The following GPC5 variants were observed in gnomAD, a reference collection of about 807,000 sequenced individuals.
GPC5 encodes glypican 5, also known as glypican-5.
Under a neutral mutation model 53.9 loss-of-function variants are expected in GPC5, and 47 were observed. The ratio of observed to expected loss-of-function variants is 0.87; its 90% CI spans 0.69 to 1.11. The LOEUF (loss-of-function observed/expected upper bound fraction) is 1.11, where lower values mean the gene tolerates loss of function less well. Ranked by LOEUF, GPC5 falls within the 50% of genes most tolerant of loss-of-function variation. The pLI is 0.00. For synonymous variants in GPC5, 286 were observed against 263.3 expected (o/e 1.09, Z -0.84); for missense variants, 748 against 713.1 (o/e 1.05, Z -0.56).
chr13:92,252,316 A>G (rs765748266), intron 7 of GPC5, among the ~76,000 whole-genome samples: 8 of 152,142 alleles, frequency 5.3e-5, no homozygotes, highest in Non-Finnish European at 1.0e-4. Context: ...GTTTAGATAA[A>G]CTATAGATAA....
intron 7 of GPC5, among the ~76,000 whole-genome samples, chr13:92,354,988 T>TTTA: frequency 6.6e-6 from 1 of 150,982 alleles, no homozygotes; most frequent in Non-Finnish European, 1.5e-5. Context: ...AGCTTTAATA[T>TTTA]ATAATTTAAT....
chr13:92,595,631 G>A (rs1352823906), intron 7 of GPC5, among the ~76,000 whole-genome samples: 1 of 151,448 alleles, frequency 6.6e-6, no homozygotes, highest in Non-Finnish European at 1.5e-5. Context: ...AGCCGGGCGT[G>A]GTGGCGGGCA....
At chr13:91,803,551 C>G (rs2038169390) in intron 5 of GPC5, among the ~76,000 whole-genome samples, 1 of 152,060 alleles carries the variant, frequency 6.6e-6, no homozygotes, top group Non-Finnish European at 1.5e-5. Flanking sequence ...TTGCTCTCCA[C>G]AATACTGGCT....
At chr13:91,731,621 C>G (rs926941260) in intron 4 of GPC5, among the ~76,000 whole-genome samples, 1 of 151,960 alleles carries the variant, frequency 6.6e-6, no homozygotes, top group African/African-American at 2.4e-5. Flanking sequence ...ACCTATCAAC[C>G]TGTCCTCTAG....
At chr13:91,694,056 T>C (rs773699869) in intron 3 of GPC5, among the ~76,000 whole-genome samples, 175 bp downstream of exon 3, 4 of 152,186 alleles carry the variant, frequency 2.6e-5, no homozygotes, top group Non-Finnish European at 5.9e-5. Flanking sequence ...CTCTCCTAAG[T>C]AGAAGTCTGC....
At chr13:92,386,928 A>G (rs1249210100) in intron 7 of GPC5, among the ~76,000 whole-genome samples, 2 of 152,012 alleles carry the variant, frequency 1.3e-5, no homozygotes, top group African/African-American at 2.4e-5. Flanking sequence ...GAGCTTGAAC[A>G]TTTTGCTAAC....
At chr13:92,573,367 T>C (rs1266692886) in intron 7 of GPC5, among the ~76,000 whole-genome samples, 2 of 152,232 alleles carry the variant, frequency 1.3e-5, no homozygotes, top group Non-Finnish European at 1.5e-5. Context: ...AGTCCAGTTA[T>C]GAGAGAATTA....
At chr13:92,127,599 C>T (rs114590973) in intron 6 of GPC5, among the ~76,000 whole-genome samples, 266 of 152,080 alleles carry the variant, frequency 1.7e-3, no homozygotes, top group African/African-American at 5.5e-3. Flanking sequence ...ACTAAGCATC[C>T]GAACACCAGA....
intron 2 of GPC5, among the ~76,000 whole-genome samples, chr13:91,625,963 A>T (rs1378670419): frequency 6.6e-6 from 1 of 152,104 alleles, no homozygotes; most frequent in East Asian, 1.9e-4. Context: ...TTAGTCTTTC[A>T]ATTTCACTGA....
At chr13:92,174,234 A>T (rs1268701563) in intron 7 of GPC5, among the ~76,000 whole-genome samples, 1 of 152,022 alleles carries the variant, frequency 6.6e-6, no homozygotes, top group Non-Finnish European at 1.5e-5. Flanking sequence ...GAAAGGCCAA[A>T]ATTTGGGCCG....
intron 7 of GPC5, among the ~76,000 whole-genome samples, chr13:92,329,362 G>A (rs1391825531): frequency 1.3e-5 from 2 of 152,002 alleles, no homozygotes; most frequent in Non-Finnish European, 2.9e-5. Context: ...GAGGATGGAG[G>A]TCCCAGACGT....
At chr13:92,179,446 T>C (rs553170001) in intron 7 of GPC5, among the ~76,000 whole-genome samples, 30 of 152,362 alleles carry the variant, frequency 2.0e-4, no homozygotes, top group African/African-American at 6.3e-4. Context: ...TGTGTTACCA[T>C]GTTAGGTTCA....
intron 7 of GPC5, among the ~76,000 whole-genome samples, chr13:92,798,817 A>G (rs776222533): frequency 2.0e-5 from 3 of 151,870 alleles, no homozygotes; most frequent in Non-Finnish European, 4.4e-5. Context: ...TCAAAATTGT[A>G]AGTCACGTGA....
chr13:92,848,225 G>A (rs181605375), intron 7 of GPC5, among the ~76,000 whole-genome samples: 11 of 152,026 alleles, frequency 7.2e-5, no homozygotes, highest in Non-Finnish European at 1.5e-4. Context: ...TTGAATTTTT[G>A]TATCTATCCT....
chr13:92,497,099 T>C (rs1880008096), intron 7 of GPC5, among the ~76,000 whole-genome samples: 1 of 152,208 alleles, frequency 6.6e-6, no homozygotes, highest in African/African-American at 2.4e-5. Context: ...GCAGAAGTTC[T>C]TTAGTTTAAT....
At chr13:92,213,405 T>A (rs2042388866) in intron 7 of GPC5, among the ~76,000 whole-genome samples, 1 of 152,196 alleles carries the variant, frequency 6.6e-6, no homozygotes, top group African/African-American at 2.4e-5. Flanking sequence ...GAATGCCTTG[T>A]AACAGAAAAT....
chr13:92,468,164 T>C (rs1014570471), intron 7 of GPC5, among the ~76,000 whole-genome samples: 2 of 152,072 alleles, frequency 1.3e-5, no homozygotes, highest in Admixed American at 1.3e-4. Flanking sequence ...AGCTAATAAA[T>C]TGGTTGATTC....
intron 7 of GPC5, among the ~76,000 whole-genome samples, chr13:92,852,536 G>A (rs1264105456): frequency 1.3e-5 from 2 of 152,160 alleles, no homozygotes; most frequent in Admixed American, 1.3e-4. Context: ...CTAGTAAGCA[G>A]AAGTGACACA....
intron 2 of GPC5, among the ~76,000 whole-genome samples, chr13:91,572,130 TATACACATATGTATATATAC>T (rs1566517156): frequency 7.1e-6 from 1 of 140,432 alleles, no homozygotes; most frequent in Non-Finnish European, 1.5e-5. Flanking sequence ...TACGTGTGTA[TATACACATATGTATATATAC>T]GTGTGTATAC....
Sources: allele counts gnomAD v4.1 joint callset (sites outside exome capture counted in the v4.1 genomes callset), GRCh38; gene constraint gnomAD v4.1.1; transcripts MANE v1.5; gene names NCBI Gene and HGNC (gene_info 2026-07-23, HGNC 2026-07-21).